NDC80: variants seen among roughly 807,000 people sequenced by gnomAD.
NDC80 encodes the protein kinetochore protein NDC80 homolog.
In NDC80, 69 loss-of-function variants were observed where a neutral mutation model predicts 89.3. The observed-to-expected ratio is 0.77, with a 90% CI of 0.64 to 0.94. NDC80 has a LOEUF of 0.94. Ranked by LOEUF, NDC80 falls within the 40% of genes least tolerant of loss-of-function variation. The probability of loss-of-function intolerance (pLI) is 0.00; values close to 1 mark genes in which losing one functional copy is unlikely to be tolerated. For missense variants in NDC80, 593 were observed against 739.6 expected, an observed-to-expected ratio of 0.80 and a Z score of 2.30; for synonymous variants, 243 against 255.6, an observed-to-expected ratio of 0.95 and a Z score of 0.47.
intron 16 of NDC80, among the ~76,000 whole-genome samples, chr18:2,612,550 A>G (rs1382117096): frequency 6.6e-6 from 1 of 151,750 alleles, no homozygotes; most frequent in African/African-American, 2.4e-5. Flanking sequence ...CAGCCTCCCA[A>G]AGTTCTGGGA....
chr18:2,582,784 T>C (rs2072584849), intron 6 of NDC80: 1 of 152,232 alleles, frequency 6.6e-6, no homozygotes, highest in Non-Finnish European at 1.5e-5. Flanking sequence ...TCATTGTTTA[T>C]TATTCATTTG....
In NDC80 at chr18:2,579,079, C is replaced by A; in HGVS notation, c.579+50C>A. On this transcript the variant is annotated intron_variant, in intron 6 of 16. Transcript: ENST00000261597. ...GTATACATGGGAAAGGGTTTTTTTCCTCAAAAAAAATATTTTCTCTCCCAG... is the reference window on the plus strand; with the variant it reads ...GTATACATGGGAAAGGGTTTTTTTCATCAAAAAAAATATTTTCTCTCCCAG... 3 of 1,154,992 alleles carry A rather than the reference C, an allele frequency of 2.6e-6. No individual in the cohort carries two copies. In the South Asian group the frequency reaches 6.1e-5, roughly 24 times the overall value. 71.5% of individuals were successfully genotyped at this position (1,154,992 alleles called of 1,614,324 possible). A position where few individuals can be genotyped will look rare whatever the true frequency, so the allele number is the denominator to read the frequency against.
At chr18:2,587,150 T>C (rs528511372) in intron 7 of NDC80, among the ~76,000 whole-genome samples, 2 of 152,340 alleles carry the variant, frequency 1.3e-5, no homozygotes, top group South Asian at 2.1e-4. Flanking sequence ...ACAAAGGGAA[T>C]TGGTTTGTCT....
At chr18:2,584,969 T>G in intron 6 of NDC80, 144 bp from the exon 7 acceptor site, 1 of 596,498 alleles carries the variant, frequency 1.7e-6, no homozygotes, top group Non-Finnish European at 3.0e-6. Context: ...GTGTTAATGT[T>G]CAATATAATA....
rs1295204743 is a variant in NDC80, at chr18:2,603,378, TACAC to T, written c.1464+1894_1464+1897del. ...ATACATATATATATATATATATATA[TACAC>T]CTATGTAATATATATAAGCCAAAGT... is the stretch of plus-strand genomic sequence containing the variant. On this transcript the variant is annotated intron_variant, in intron 13 of 16. Transcript: ENST00000261597. Among the ~76,000 whole-genome samples, 109 of 143,512 alleles carry T rather than the reference TACAC, an allele frequency of 7.6e-4. 1 individual carries two copies. Among genetic ancestry groups the T allele is most frequent in the African/African-American group, 2.6e-3 (100 of 38,964 alleles). The allele number at this position is 143,512 out of a possible 152,430, so 94.1% of individuals were successfully genotyped here.
Position 2,574,999 on chromosome 18 carries a change from C to A in NDC80, c.112C>A (p.Pro38Thr), listed in dbSNP as rs761677148. The A allele has an allele frequency of 6.2e-7, 1 of 1,604,062 alleles. No individual in the cohort carries two copies. Among genetic ancestry groups the A allele is most frequent in the Non-Finnish European group, 8.5e-7 (1 of 1,175,144 alleles). Residue 38 changes from proline to threonine, a missense_variant, in exon 3 of 17, where the codon CCA becomes ACA. By Grantham distance (38) the Pro-to-Thr change is conservative. Transcript: ENST00000261597. ...CTATTTTTCTTAAAGCAAAGAGAAACCAACCTTTGGAAAGTTGAGTATAAA... is the reference window on the plus strand; with the variant it reads ...CTATTTTTCTTAAAGCAAAGAGAAAACAACCTTTGGAAAGTTGAGTATAAA... ...GLYTPQTKEK[P>T]TFGKLSINKP...
rs937949379 is a variant in NDC80 at position 2,571,599 on chromosome 18, T to G, written c.-94T>G. The G allele has an allele frequency of 6.6e-6, 1 of 152,266 alleles. No individual in the cohort carries two copies. Among genetic ancestry groups the G allele is most frequent in the Non-Finnish European group, 1.5e-5 (1 of 68,044 alleles). The allele number at this position is 152,266 out of a possible 1,614,324, so 9.4% of individuals were successfully genotyped here. A position where few individuals can be genotyped will look rare whatever the true frequency, so the allele number is the denominator to read the frequency against. Reference sequence around the variant, plus strand: ...GCGGGCCGAGGAAGGACCTGGTGTTTTGATGACCGCTGTCCTGTCTAGCAG... The same window carrying G: ...GCGGGCCGAGGAAGGACCTGGTGTTGTGATGACCGCTGTCCTGTCTAGCAG... On this transcript the variant is annotated 5_prime_UTR_variant, in exon 1 of 17. Coordinates refer to ENST00000261597, the MANE Select transcript of NDC80 (RefSeq NM_006101.3).
chr18:2,601,875 T>C (rs2072685995), intron 13 of NDC80, among the ~76,000 whole-genome samples: 1 of 152,142 alleles, frequency 6.6e-6, no homozygotes, highest in Admixed American at 6.5e-5. Flanking sequence ...TTTTACCAAG[T>C]TTTTGGATTC....
intron 6 of NDC80, among the ~76,000 whole-genome samples, chr18:2,581,199 C>T (rs2072576398): frequency 6.6e-6 from 1 of 152,052 alleles, no homozygotes; most frequent in East Asian, 1.9e-4. Flanking sequence ...GCCTTTTTTC[C>T]TCCCCAGTGT....
chr18:2,587,898 G>A lies in NDC80; in HGVS notation c.738G>A (p.Met246Ile). ...GTGGTGCCGACAGCTTTGATGAGATGAATGCAGAGCTGCAGTCAAAACTGA... is the reference window on the plus strand; with the variant it reads ...GTGGTGCCGACAGCTTTGATGAGATAAATGCAGAGCTGCAGTCAAAACTGA... ...FMSGADSFDE[M>I]NAELQSKLKD... Residue 246 changes from methionine to isoleucine, a missense_variant, in exon 8 of 17, where the codon ATG (methionine) becomes ATA (isoleucine). Physicochemically the swap from Met to Ile is conservative, Grantham distance 10. Transcript: ENST00000261597. 1.2e-6 allele frequency: 2 copies of A among 1,613,656 alleles called. No individual in the cohort carries two copies. Among genetic ancestry groups the A allele is most frequent in the East Asian group, 2.2e-5 (1 of 44,846 alleles).
chr18:2,595,410 A>G lies in NDC80; in HGVS notation c.1016-6A>G. The G allele has an allele frequency of 1.2e-6, 2 of 1,610,122 alleles. No homozygotes were observed. Among genetic ancestry groups the G allele is most frequent in the Non-Finnish European group, 1.7e-6 (2 of 1,178,166 alleles). ...ACATTAAAAATTTGGTTTTTTTCCA[A>G]CACAGAACTAGAATGTGAAACAATA... is the stretch of plus-strand genomic sequence containing the variant. On this transcript the variant is annotated splice_region_variant and splice_polypyrimidine_tract_variant and intron_variant, in intron 10 of 16. Coordinates refer to ENST00000261597, the MANE Select transcript of NDC80 (RefSeq NM_006101.3).
At chr18:2,584,204 C>T (rs1456448988) in intron 6 of NDC80, among the ~76,000 whole-genome samples, 1 of 151,682 alleles carries the variant, frequency 6.6e-6, no homozygotes, top group Non-Finnish European at 1.5e-5. Flanking sequence ...AGGAGAATCA[C>T]CTGAACCCAG....
At chr18:2,579,081 C>CA (rs544303226) in intron 6 of NDC80, 52 bp downstream of exon 6, 76 of 1,120,712 alleles carry the variant, frequency 6.8e-5, no homozygotes, top group East Asian at 3.1e-4. Flanking sequence ...TTTTTTTCCT[C>CA]AAAAAAAATA....
At position 2,595,424 on chromosome 18, in the gene NDC80, T is replaced by C; in HGVS notation, c.1024T>C (p.Cys342Arg). The stretch of plus-strand genomic sequence containing the variant: ...GTTTTTTTCCAACACAGAACTAGAA[T>C]GTGAAACAATAAAACAGGAGAACAC... ...NEEIARVELE[C>R]ETIKQENTRL... Residue 342 changes from cysteine to arginine, a missense_variant, in exon 11 of 17, where the codon TGT (cysteine) becomes CGT (arginine). Transcript: ENST00000261597. 1.2e-6 allele frequency: 2 copies of C among 1,613,200 alleles called. No individual in the cohort carries two copies. The highest frequency in any genetic ancestry group is 1.7e-6 in the Non-Finnish European group (2 of 1,179,630).
chr18:2,606,074 A>C (rs1430286713), intron 13 of NDC80, among the ~76,000 whole-genome samples: 1 of 148,648 alleles, frequency 6.7e-6, no homozygotes, highest in Non-Finnish European at 1.5e-5. Context: ...ATATAGTCTA[A>C]ATAAAGCTAG....
intron 11 of NDC80, among the ~76,000 whole-genome samples, chr18:2,596,939 C>T (rs2143653959): frequency 6.6e-6 from 1 of 152,080 alleles, no homozygotes; most frequent in East Asian, 1.9e-4. Flanking sequence ...AAAAACCAAA[C>T]ACCGCATATT....
intron 14 of NDC80, among the ~76,000 whole-genome samples, chr18:2,607,976 T>TATATATAG (rs1461926330): frequency 9.0e-6 from 1 of 110,784 alleles, no homozygotes; most frequent in Non-Finnish European, 1.9e-5. Context: ...TATATATATA[T>TATATATAG]ATATATATAT....
chr18:2,615,856 C>G (rs978742346), intron 16 of NDC80, among the ~76,000 whole-genome samples: 3 of 151,646 alleles, frequency 2.0e-5, no homozygotes, highest in Admixed American at 1.3e-4. Flanking sequence ...AAGGTGAAAA[C>G]CAGGTACTAT....
chr18:2,614,706 T>A (rs1490519867), intron 16 of NDC80, among the ~76,000 whole-genome samples: 1 of 151,836 alleles, frequency 6.6e-6, no homozygotes, highest in Non-Finnish European at 1.5e-5. Flanking sequence ...ATATTTGCCC[T>A]AAAAAAAATA....
Sources: gnomAD v4.1 joint callset for allele counts (sites outside exome capture counted in the v4.1 genomes callset) on GRCh38, gnomAD v4.1.1 for gene constraint, MANE v1.5 for transcripts, NCBI Gene and HGNC (gene_info 2026-07-23, HGNC 2026-07-21) for gene names.